Variants in UNC13B observed in about 807,000 individuals in gnomAD.
UNC13B encodes the protein unc-13 homolog B.
A neutral mutation model predicts 211.0 loss-of-function variants in UNC13B; 144 were observed. The observed-to-expected ratio is 0.68, with a 90% CI of 0.60 to 0.78. The LOEUF is 0.78. Among genes scored for constraint, UNC13B ranks in the 30% least tolerant of loss-of-function variants. The probability of loss-of-function intolerance (pLI) is 0.00; values close to 1 mark genes in which losing one functional copy is unlikely to be tolerated. For missense variants in UNC13B, 1,777 were observed against 2,002.0 expected (o/e 0.89, Z 2.14); for synonymous variants, 709 against 725.8 (o/e 0.98, Z 0.37).
intron 11 of UNC13B, among the ~76,000 whole-genome samples, chr9:35,327,389 C>G (rs1831077270): frequency 6.6e-6 from 1 of 152,150 alleles, no homozygotes; most frequent in Non-Finnish European, 1.5e-5. Flanking sequence ...ACCAGGGAAG[C>G]TGACAGTACA....
At chr9:35,296,591 C>T (rs1829370599) in intron 8 of UNC13B, among the ~76,000 whole-genome samples, 1 of 152,014 alleles carries the variant, frequency 6.6e-6, no homozygotes, top group Non-Finnish European at 1.5e-5. Flanking sequence ...TATGTGCTCT[C>T]CCCTGCCCTA....
chr9:35,347,842 A>G (rs951527645), intron 11 of UNC13B, among the ~76,000 whole-genome samples: 11 of 152,180 alleles, frequency 7.2e-5, no homozygotes, highest in African/African-American at 2.4e-4. Context: ...CTCTGAACCC[A>G]GTGGCTATGC....
intron 1 of UNC13B, among the ~76,000 whole-genome samples, chr9:35,203,534 G>T (rs1224254875): frequency 6.6e-6 from 1 of 152,200 alleles, no homozygotes; most frequent in African/African-American, 2.4e-5. Flanking sequence ...TCTGCTGTTA[G>T]TCTGATGGGC....
chr9:35,353,613 G>A lies in UNC13B; in HGVS notation c.9415-13334G>A, dbSNP rs1009475330. ...GTTGCTCTGGCTCCATGTCTGGGAA[G>A]TGAGACTTGTTCCAGGCCTGGATCT... On this transcript the variant is annotated intron_variant, in intron 11 of 39. Transcript: ENST00000635942. 5.7e-6 allele frequency: 7 copies of A among 1,232,056 alleles called. No homozygotes were observed. In the African/African-American group the frequency reaches 1.1e-4, roughly 19 times the overall value. 76.3% of individuals were successfully genotyped at this position (1,232,056 alleles called of 1,614,324 possible). A position where few individuals can be genotyped will look rare whatever the true frequency, so the allele number is the denominator to read the frequency against.
chr9:35,166,011 C>T lies in UNC13B; in HGVS notation c.22+3706C>T, dbSNP rs554885026. 3.9e-5 allele frequency among the ~76,000 whole-genome samples: 6 copies of T among 152,122 alleles called. No homozygotes were observed. In the East Asian group the frequency reaches 9.7e-4, roughly 25 times the overall value. On this transcript the variant is annotated intron_variant, in intron 1 of 39. Coordinates refer to ENST00000635942, the MANE Select transcript of UNC13B (RefSeq NM_001371189.2). ...TTCCATAATATTTCTCTGTAATTCCCAGTGTTTATAACATAGTTATTCCCA... is the reference window on the plus strand; with the variant it reads ...TTCCATAATATTTCTCTGTAATTCCTAGTGTTTATAACATAGTTATTCCCA...
chr9:35,396,500 A>G lies in UNC13B; in HGVS notation c.11333A>G (p.Lys3778Arg). The change falls in exon 27 of 40, where the codon AAA (lysine) becomes AGA (arginine). Residue 3778 changes from lysine (K) to arginine (R), a missense_variant. Lys to Arg is a conservative substitution (Grantham distance 26). Transcript: ENST00000635942. ...GAGCATGAGAAAGACCACCTGTGTA[A>G]AAGTGCTGACTACATGAACCTGCAC... The part of the protein sequence containing the change: ...LEEHEKDHLC[K>R]SADYMNLHFK... 1 of 1,614,146 alleles carries G rather than the reference A, an allele frequency of 6.2e-7. No homozygotes were observed.
At chr9:35,211,985 A>G (rs1015854357) in intron 1 of UNC13B, among the ~76,000 whole-genome samples, 1 of 152,212 alleles carries the variant, frequency 6.6e-6, no homozygotes, top group South Asian at 2.1e-4. Context: ...GATTACAGGC[A>G]TCAGCCACTG....
At chr9:35,230,685 T>C (rs1000714572) in intron 2 of UNC13B, among the ~76,000 whole-genome samples, 3 of 152,108 alleles carry the variant, frequency 2.0e-5, no homozygotes, top group African/African-American at 7.2e-5. Flanking sequence ...GTACCTTATC[T>C]TTCCTAGTAG....
rs781627556 is a variant in UNC13B at position 35,310,763 on chromosome 9, T to G, written c.9305T>G (p.Phe3102Cys). 1 of 1,613,456 alleles carries G rather than the reference T, an allele frequency of 6.2e-7. No homozygotes were observed. Among genetic ancestry groups the G allele is most frequent in the South Asian group, 1.1e-5 (1 of 91,024 alleles). ...PPDLVLQKDH[F>C]LGPQESFPEE... Reference sequence around the variant, plus strand: ...GATCTGGTGCTGCAAAAAGACCACTTCCTAGGTCCCCAGGAGAGGTAGGCA... The same window carrying G: ...GATCTGGTGCTGCAAAAAGACCACTGCCTAGGTCCCCAGGAGAGGTAGGCA... Residue 3102 changes from phenylalanine to cysteine, a missense_variant, in exon 10 of 40, where the codon TTC (phenylalanine) becomes TGC (cysteine). Coordinates refer to ENST00000635942, the MANE Select transcript of UNC13B (RefSeq NM_001371189.2).
At chr9:35,243,418 CT>C in intron 6 of UNC13B, 54 bp downstream of exon 6, 1 of 1,587,794 alleles carries the variant, frequency 6.3e-7, no homozygotes, top group East Asian at 2.2e-5. Context: ...CTCCAATGCT[CT>C]TTATAGGTTG....
At position 35,307,845 on chromosome 9, in the gene UNC13B, C is replaced by G. The variant is rs1830001205; in HGVS notation, c.8441C>G (p.Ser2814Ter). 2 of 398,958 alleles carry G rather than the reference C, an allele frequency of 5.0e-6. No individual in the cohort carries two copies. The highest frequency in any genetic ancestry group is 8.8e-6 in the Non-Finnish European group (2 of 226,060). 24.7% of individuals were successfully genotyped at this position (398,958 alleles called of 1,614,324 possible). A position where few individuals can be genotyped will look rare whatever the true frequency, so the allele number is the denominator to read the frequency against. ...TGLMSSFKKL[S>*]TLFEGSSEGK... ...TTAATGTCCAGTTTTAAGAAGTTGTCAACTCTATTTGAGGGAAGTAGTGAG... is the reference window on the plus strand; with the variant it reads ...TTAATGTCCAGTTTTAAGAAGTTGTGAACTCTATTTGAGGGAAGTAGTGAG... Residue 2814 changes from serine to a stop codon, truncating the protein, a stop_gained, in exon 9 of 40, where the codon TCA (serine) becomes TGA (stop). Coordinates refer to ENST00000635942, the MANE Select transcript of UNC13B (RefSeq NM_001371189.2). LOFTEE classifies it high-confidence loss of function.
rs765449399 is a variant in UNC13B, at chr9:35,231,105, T to G, written c.53-15T>G. 1 of 1,555,902 alleles carries G rather than the reference T, an allele frequency of 6.4e-7. No individual in the cohort carries two copies. The highest frequency in any genetic ancestry group is 8.9e-7 in the Non-Finnish European group (1 of 1,127,788). ...AGCACTAAGTATTATGTCTCCATTT[T>G]GTATTTTTTCAAAGATAAATTTAAC... On this transcript the variant is annotated splice_polypyrimidine_tract_variant and intron_variant, in intron 2 of 39. Coordinates refer to ENST00000635942, the MANE Select transcript of UNC13B (RefSeq NM_001371189.2).
chr9:35,236,388 C>A, intron 3 of UNC13B, 81 bp from the exon 4 acceptor site: 2 of 1,174,902 alleles, frequency 1.7e-6, no homozygotes, highest in African/African-American at 1.5e-5. Flanking sequence ...AGAAAGCATT[C>A]AAAGTTTAGC....
At chr9:35,308,786 A>G (rs1374418230) in intron 9 of UNC13B, among the ~76,000 whole-genome samples, 1 of 152,208 alleles carries the variant, frequency 6.6e-6, no homozygotes, top group Non-Finnish European at 1.5e-5. Flanking sequence ...ATGATAGGCT[A>G]GGATGCTTCC....
At chr9:35,191,014 C>T (rs1405218974) in intron 1 of UNC13B, among the ~76,000 whole-genome samples, 1 of 151,996 alleles carries the variant, frequency 6.6e-6, no homozygotes, top group East Asian at 1.9e-4. Context: ...GGCTGGAGTG[C>T]AGTGGCGCCA....
intron 11 of UNC13B, among the ~76,000 whole-genome samples, chr9:35,360,039 T>A (rs1833303698): frequency 6.6e-6 from 1 of 152,250 alleles, no homozygotes; most frequent in African/African-American, 2.4e-5. Flanking sequence ...AATTATGCTC[T>A]CACCTCAGGC....
intron 17 of UNC13B, 45 bp downstream of exon 17, chr9:35,378,481 G>C: frequency 1.2e-6 from 2 of 1,611,420 alleles, no homozygotes; most frequent in Non-Finnish European, 1.7e-6. Flanking sequence ...GTGTGTATTG[G>C]GGGAGCAGGA....
chr9:35,214,526 A>C (rs1441031327), intron 1 of UNC13B, among the ~76,000 whole-genome samples: 2 of 152,200 alleles, frequency 1.3e-5, no homozygotes, highest in Non-Finnish European at 2.9e-5. Flanking sequence ...GGAAAAGTTA[A>C]ACAAGTGAAG....
chr9:35,260,099 A>G (rs1439687320), intron 7 of UNC13B, among the ~76,000 whole-genome samples: 1 of 149,592 alleles, frequency 6.7e-6, no homozygotes, highest in East Asian at 2.0e-4. Context: ...AGTCCCAGAT[A>G]CTTGGGAGGC....
Sources: gnomAD v4.1 joint callset for allele counts (sites outside exome capture counted in the v4.1 genomes callset) on GRCh38, gnomAD v4.1.1 for gene constraint, MANE v1.5 for transcripts, NCBI Gene and HGNC (gene_info 2026-07-23, HGNC 2026-07-21) for gene names.